The following B4GALT5 variants were observed in gnomAD, a reference collection of about 807,000 sequenced individuals.
The protein encoded by B4GALT5 is beta-1,4-galactosyltransferase 5, also known as UDP-Gal:beta-GlcNAc beta-1,4-galactosyltransferase 5.
A neutral mutation model predicts 45.0 loss-of-function variants in B4GALT5; 11 were observed. That is an observed-to-expected ratio of 0.24 (90% CI 0.15 to 0.40). The LOEUF (loss-of-function observed/expected upper bound fraction) is 0.40. Ranked by LOEUF, B4GALT5 falls within the 10% of genes least tolerant of loss-of-function variation. The probability of loss-of-function intolerance (pLI) is 1.00; values close to 1 mark genes in which losing one functional copy is unlikely to be tolerated. For missense variants in B4GALT5, 337 were observed against 500.2 expected (o/e 0.67, Z 3.11); for synonymous variants, 185 against 182.9 (o/e 1.01, Z -0.09).
chr20:49,663,690 A>AAAAAAAAAAAAAAAAATATATATAT (rs1555812124), intron 1 of B4GALT5, among the ~76,000 whole-genome samples: 1 of 96,946 alleles, frequency 1.0e-5, no homozygotes, highest in African/African-American at 4.5e-5. Context: ...AAAAAAAAAA[A>AAAAAAAAAAAAAAAAATATATATAT]ATATATACAT....
At chr20:49,707,775 C>G (rs2085890509) in intron 1 of B4GALT5, among the ~76,000 whole-genome samples, 1 of 152,068 alleles carries the variant, frequency 6.6e-6, no homozygotes, top group Non-Finnish European at 1.5e-5. Context: ...CCACATCCAA[C>G]TAATTTTTTT....
rs1202134162 is a variant in B4GALT5 at position 49,633,900 on chromosome 20, G to A, written c.*2412C>T. ...AAAGGGGAGAGGAGAATGAGAAGGGGAGAAAAGCCAAGGCAGGGACAAAGG... is the reference window on the plus strand; with the variant it reads ...AAAGGGGAGAGGAGAATGAGAAGGGAAGAAAAGCCAAGGCAGGGACAAAGG... On this transcript the variant is annotated 3_prime_UTR_variant, in exon 9 of 9. Coordinates refer to ENST00000371711, the MANE Select transcript of B4GALT5 (RefSeq NM_004776.4). 1.3e-5 allele frequency: 2 copies of A among 152,638 alleles called. No individual in the cohort carries two copies. Among genetic ancestry groups the A allele is most frequent in the Admixed American group, 6.5e-5 (1 of 15,288 alleles). 9.5% of individuals were successfully genotyped at this position (152,638 alleles called of 1,614,324 possible).
chr20:49,639,657 C>A, intron 7 of B4GALT5, 21 bp downstream of exon 7: 1 of 1,612,010 alleles, frequency 6.2e-7, no homozygotes, highest in Non-Finnish European at 8.5e-7. Context: ...CTAGAAGACA[C>A]CGAAAGAACG....
intron 1 of B4GALT5, among the ~76,000 whole-genome samples, chr20:49,694,025 A>C (rs2085827319): frequency 6.6e-6 from 1 of 152,218 alleles, no homozygotes; most frequent in African/African-American, 2.4e-5. Flanking sequence ...TTAGATTTAC[A>C]AAAAAATAAC....
chr20:49,648,351 T>C (rs1328390548), intron 2 of B4GALT5, among the ~76,000 whole-genome samples: 1 of 152,214 alleles, frequency 6.6e-6, no homozygotes, highest in Non-Finnish European at 1.5e-5. Flanking sequence ...GCCTCTGTTT[T>C]GCCATCTCTG....
intron 1 of B4GALT5, among the ~76,000 whole-genome samples, chr20:49,697,285 GCTC>G: frequency 1.3e-5 from 2 of 152,352 alleles, no homozygotes; most frequent in East Asian, 3.9e-4. Context: ...CACAGCACCT[GCTC>G]CTCAAGCGCA....
intron 8 of B4GALT5, 99 bp downstream of exon 8, chr20:49,637,242 G>C (rs936574285): frequency 9.6e-7 from 1 of 1,037,462 alleles, no homozygotes; most frequent in Non-Finnish European, 1.5e-6. Flanking sequence ...ACAGGGCCTC[G>C]GGGTGGGGAG....
intron 5 of B4GALT5, 130 bp from the exon 6 acceptor site, chr20:49,640,795 A>T: frequency 1.1e-6 from 1 of 898,474 alleles, no homozygotes; most frequent in Non-Finnish European, 1.6e-6. Context: ...CAGGTCCAAC[A>T]CCACAAATCA....
intron 1 of B4GALT5, among the ~76,000 whole-genome samples, chr20:49,695,199 G>A (rs577566881): frequency 2.5e-4 from 31 of 124,326 alleles, no homozygotes; most frequent in Admixed American, 2.3e-3. Flanking sequence ...CTGGCATAGT[G>A]CAGTAATTTT....
chr20:49,659,800 GTTTTTTCT>G (rs771997195), intron 1 of B4GALT5, among the ~76,000 whole-genome samples: 14 of 151,054 alleles, frequency 9.3e-5, no homozygotes, highest in Non-Finnish European at 1.9e-4. Flanking sequence ...CCAGTCACTT[GTTTTTTCT>G]TTTTTTCTTT....
intron 5 of B4GALT5, among the ~76,000 whole-genome samples, chr20:49,641,857 A>G (rs1347914051): frequency 1.3e-5 from 2 of 152,182 alleles, no homozygotes; most frequent in Non-Finnish European, 2.9e-5. Flanking sequence ...ATGTAAACAT[A>G]TAAAGTAGGC....
At position 49,634,003 on chromosome 20, in the gene B4GALT5, T is replaced by C. The variant is rs1984443146; in HGVS notation, c.*2309A>G. 6.6e-6 allele frequency: 1 copy of C among 152,548 alleles called. No homozygotes were observed. Among genetic ancestry groups the C allele is most frequent in the Non-Finnish European group, 1.5e-5 (1 of 68,026 alleles). The allele number at this position is 152,548 out of a possible 1,614,324, so 9.4% of individuals were successfully genotyped here. On this transcript the variant is annotated 3_prime_UTR_variant, in exon 9 of 9. Coordinates refer to ENST00000371711, the MANE Select transcript of B4GALT5 (RefSeq NM_004776.4). ...CACCATAAAACAAAGGAAAACCAAA[T>C]GAACTTCTGTGTGTAATGTTCACTT...
chr20:49,680,207 T>C (rs2085758432), intron 1 of B4GALT5, among the ~76,000 whole-genome samples: 1 of 152,198 alleles, frequency 6.6e-6, no homozygotes, highest in Non-Finnish European at 1.5e-5. Context: ...ATAAGAGGGC[T>C]GCATGGGCTG....
chr20:49,683,397 T>TC (rs2085772301), intron 1 of B4GALT5, among the ~76,000 whole-genome samples: 1 of 146,612 alleles, frequency 6.8e-6, no homozygotes, highest in Non-Finnish European at 1.5e-5. Flanking sequence ...TTTTTTTTTT[T>TC]TTTTTTTTTT....
At chr20:49,688,341 G>A (rs1198735413) in intron 1 of B4GALT5, among the ~76,000 whole-genome samples, 6 of 152,204 alleles carry the variant, frequency 3.9e-5, no homozygotes, top group South Asian at 2.1e-4. Flanking sequence ...AGGACACACC[G>A]TGGGGGACAA....
At chr20:49,688,322 T>G (rs1261504646) in intron 1 of B4GALT5, among the ~76,000 whole-genome samples, 1 of 152,066 alleles carries the variant, frequency 6.6e-6, no homozygotes, top group African/African-American at 2.4e-5. Context: ...AAGACAAAGA[T>G]TAAAGTTCAG....
At chr20:49,711,163 G>A (rs1571367) in intron 1 of B4GALT5, among the ~76,000 whole-genome samples, 76,977 of 151,478 alleles carry the variant, frequency 0.51, 19,836 homozygotes, top group South Asian at 0.66. Flanking sequence ...CCTTTCTCAC[G>A]AACAAAATTT....
chr20:49,638,701 C>T (rs2085563951), intron 7 of B4GALT5, among the ~76,000 whole-genome samples: 1 of 151,696 alleles, frequency 6.6e-6, no homozygotes. Context: ...ACCCTATTTG[C>T]ATCCATTAAA....
At position 49,698,215 on chromosome 20, in the gene B4GALT5, C is replaced by T. The variant is rs965602030; in HGVS notation, c.115+15361G>A. ...GCACGCACCTGTAATCCCAGATACT[C>T]GGGAGGCTGAGGTGGGAGAATTGCT... On this transcript the variant is annotated intron_variant, in intron 1 of 8. Transcript: ENST00000371711. Among the ~76,000 whole-genome samples, 29 of 151,982 alleles carry T rather than the reference C, an allele frequency of 1.9e-4. 1 individual carries two copies. The highest frequency in any genetic ancestry group is 6.3e-4 in the African/African-American group (26 of 41,454).
Sources: gnomAD v4.1 joint callset for allele counts (sites outside exome capture counted in the v4.1 genomes callset) on GRCh38, gnomAD v4.1.1 for gene constraint, MANE v1.5 for transcripts, NCBI Gene and HGNC (gene_info 2026-07-23, HGNC 2026-07-21) for gene names.